Variants in NLRP2 observed in about 807,000 individuals in gnomAD.
The protein encoded by NLRP2 is NACHT, LRR and PYD domains-containing protein 2.
Under a neutral mutation model 97.2 loss-of-function variants are expected in NLRP2, and 107 were observed. The observed-to-expected ratio is 1.10, with a 90% CI of 0.94 to 1.29. NLRP2 has a LOEUF of 1.29. Ranked by LOEUF, NLRP2 falls within the 50% of genes most tolerant of loss-of-function variation. The pLI is 0.00. For synonymous variants in NLRP2, 663 were observed against 551.5 expected, an observed-to-expected ratio of 1.20 and a Z score of -2.83; for missense variants, 1,495 against 1,330.3, an observed-to-expected ratio of 1.12 and a Z score of -1.93.
intron 8 of NLRP2, among the ~76,000 whole-genome samples, chr19:54,988,299 TC>T (rs1305294115): frequency 6.6e-6 from 1 of 152,120 alleles, no homozygotes; most frequent in Non-Finnish European, 1.5e-5. Context: ...CTAATTTCTT[TC>T]TTTTTTTCTC....
chr19:54,993,761 C>T (rs568456951), intron 10 of NLRP2: 31 of 250,316 alleles, frequency 1.2e-4, no homozygotes, highest in East Asian at 4.0e-4. Flanking sequence ...CCCAGCTACT[C>T]GGAAGGCTGG....
intron 11 of NLRP2, among the ~76,000 whole-genome samples, chr19:54,995,878 C>A (rs991194985): frequency 2.0e-5 from 3 of 151,786 alleles, no homozygotes; most frequent in Non-Finnish European, 4.4e-5. Context: ...CCTGTCTCTA[C>A]TGAAAGTACA....
chr19:54,979,046 C>T (rs185026331), intron 4 of NLRP2, among the ~76,000 whole-genome samples: 1 of 151,030 alleles, frequency 6.6e-6, no homozygotes, highest in African/African-American at 2.4e-5. Flanking sequence ...GTGCAGTGGC[C>T]CCATCTTGGC....
rs2072398079 is a variant in NLRP2 at position 54,990,493 on chromosome 19, CT to C, written c.2538-5del. 4 of 1,614,064 alleles carry C rather than the reference CT, an allele frequency of 2.5e-6. No homozygotes were observed. The East Asian group carries it at 6.7e-5, about 27-fold the overall frequency. On this transcript the variant is annotated splice_polypyrimidine_tract_variant and splice_region_variant and intron_variant, in intron 9 of 12. Coordinates refer to ENST00000448584, the MANE Select transcript of NLRP2 (RefSeq NM_017852.5). The stretch of plus-strand genomic sequence containing the variant: ...GTCAACCGTGTTGCCATTTGTGATT[CT>C]TTTGTAGGTTGGAAAACTGTCACCT...
chr19:54,974,595 C>A, intron 3 of NLRP2, 51 bp downstream of exon 3: 1 of 1,275,902 alleles, frequency 7.8e-7, no homozygotes, highest in Non-Finnish European at 1.1e-6. Context: ...TCTGGGGACT[C>A]GGGCCTTTGT....
Position 54,980,259 on chromosome 19 carries a change from C to T in NLRP2, c.398-1358C>T, listed in dbSNP as rs142163414. On this transcript the variant is annotated intron_variant, in intron 4 of 12. Coordinates refer to ENST00000448584, the MANE Select transcript of NLRP2 (RefSeq NM_017852.5). The stretch of plus-strand genomic sequence containing the variant: ...TGTCACCCAAGCTGGAGTGCAGTGG[C>T]GCAATCTCGGCTCACTGCAAGCTCC... 5.8e-3 allele frequency among the ~76,000 whole-genome samples: 873 copies of T among 151,542 alleles called. 4 individuals carry two copies. Among genetic ancestry groups the T allele is most frequent in the African/African-American group, 0.02 (824 of 41,284 alleles).
chr19:54,968,342 A>G (rs879398096), intron 1 of NLRP2, among the ~76,000 whole-genome samples: 46 of 150,562 alleles, frequency 3.1e-4, no homozygotes, highest in Non-Finnish European at 4.0e-4. Flanking sequence ...CACCACCCCC[A>G]GTGTTGTGTT....
chr19:54,975,793 C>G (rs1186811545), intron 3 of NLRP2, among the ~76,000 whole-genome samples: 1 of 151,890 alleles, frequency 6.6e-6, no homozygotes, highest in Admixed American at 6.6e-5. Flanking sequence ...CTGTGTTGCT[C>G]CGGCTTGATT....
intron 10 of NLRP2, among the ~76,000 whole-genome samples, chr19:54,992,712 C>G (rs2146522302): frequency 6.6e-6 from 1 of 151,632 alleles, no homozygotes; most frequent in South Asian, 2.1e-4. Context: ...GTGCATGCCA[C>G]CACGCCCAGC....
intron 11 of NLRP2, among the ~76,000 whole-genome samples, chr19:54,995,604 G>T (rs2072763602): frequency 6.6e-6 from 1 of 151,948 alleles, no homozygotes; most frequent in Non-Finnish European, 1.5e-5. Flanking sequence ...TAAAAAAGAG[G>T]TAGGAATTAG....
At chr19:54,992,574 GTT>G (rs71181722) in intron 10 of NLRP2, among the ~76,000 whole-genome samples, 1 of 94,972 alleles carries the variant, frequency 1.1e-5, no homozygotes. Context: ...TTTTTTTTTG[GTT>G]TTTTTTTTTT....
At chr19:54,989,729 A>G (rs2072330723) in intron 8 of NLRP2, 1 of 520,868 alleles carries the variant, frequency 1.9e-6, no homozygotes, top group Non-Finnish European at 3.5e-6. Flanking sequence ...CACGCCTGTC[A>G]TCCCAGCACT....
rs199475714 is a variant in NLRP2, at chr19:54,982,751, G to C, written c.1053G>C (p.Pro351=). The stretch of plus-strand genomic sequence containing the variant: ...ACCTCCGGATCCTGGCGGAGGAGCC[G>C]ATCTACATAAGGGTGGAGGGCTTCC... ...LRDLRILAEE[P]IYIRVEGFLE... is the part of the protein sequence containing the mutation. Residue 351 remains proline (P), a synonymous_variant, in exon 6 of 13, where the codon CCG becomes CCC. Coordinates refer to ENST00000448584, the MANE Select transcript of NLRP2 (RefSeq NM_017852.5). 1.9e-6 allele frequency: 3 copies of C among 1,614,146 alleles called. No individual in the cohort carries two copies. Among genetic ancestry groups the C allele is most frequent in the South Asian group, 1.1e-5 (1 of 91,080 alleles).
rs2071771957 is a variant in NLRP2, at chr19:54,983,332, T to G, written c.1634T>G (p.Leu545Arg). 1 of 1,613,988 alleles carries G rather than the reference T, an allele frequency of 6.2e-7. No homozygotes were observed. Among genetic ancestry groups the G allele is most frequent in the East Asian group, 2.2e-5 (1 of 44,886 alleles). The change falls in exon 6 of 13, where the codon CTC becomes CGC. Residue 545 changes from leucine to arginine, a missense_variant. Leu to Arg is a moderately radical substitution (Grantham distance 102). Transcript: ENST00000448584. Reference sequence around the variant, plus strand: ...AAGCTGCTTTCCGGAGTAGAAAGACTCAGGAACCCCGACCTGATCCAAGCA... The same window carrying G: ...AAGCTGCTTTCCGGAGTAGAAAGACGCAGGAACCCCGACCTGATCCAAGCA... ...VQKLLSGVER[L>R]RNPDLIQAGY... is the part of the protein sequence containing the mutation.
intron 4 of NLRP2, among the ~76,000 whole-genome samples, chr19:54,978,161 C>T (rs958579728): frequency 1.3e-5 from 2 of 151,822 alleles, no homozygotes; most frequent in Non-Finnish European, 2.9e-5. Context: ...CAGGTTCAAG[C>T]GATTCTCCTG....
chr19:54,979,488 C>T (rs1568485976), intron 4 of NLRP2, among the ~76,000 whole-genome samples: 1 of 151,562 alleles, frequency 6.6e-6, no homozygotes, highest in Non-Finnish European at 1.5e-5. Flanking sequence ...CATAGGCGCC[C>T]ACCACCACAT....
At chr19:54,967,624 A>G (rs558106639) in intron 1 of NLRP2, among the ~76,000 whole-genome samples, 1 of 151,880 alleles carries the variant, frequency 6.6e-6, no homozygotes, top group Non-Finnish European at 1.5e-5. Context: ...GGGATTTAGG[A>G]TAGAGCTATA....
rs1360336350 is a variant in NLRP2, at chr19:54,984,318, T to G, written c.2030+590T>G. Among the ~76,000 whole-genome samples the G allele has an allele frequency of 8.3e-4, 89 of 106,668 alleles. No individual in the cohort carries two copies. The South Asian group carries it at 0.021, about 25-fold the overall frequency. The allele number at this position is 106,668 out of a possible 152,430, so 70.0% of individuals were successfully genotyped here. A position where few individuals can be genotyped will look rare whatever the true frequency, so the allele number is the denominator to read the frequency against. ...CATGTCCAGCTAACTTAAGTGGGGGTTTTTTTTTGTGTTTTTTTTTTTTTT... is the reference window on the plus strand; with the variant it reads ...CATGTCCAGCTAACTTAAGTGGGGGGTTTTTTTTGTGTTTTTTTTTTTTTT... On this transcript the variant is annotated intron_variant, in intron 6 of 12. Transcript: ENST00000448584.
At chr19:54,966,837 T>C (rs1274387735) in intron 1 of NLRP2, among the ~76,000 whole-genome samples, 1 of 142,422 alleles carries the variant, frequency 7.0e-6, no homozygotes, top group African/African-American at 2.7e-5. Context: ...TTTTTTTTTT[T>C]TTTTTTTTTT....
Sources: allele counts gnomAD v4.1 joint callset (sites outside exome capture counted in the v4.1 genomes callset), GRCh38; gene constraint gnomAD v4.1.1; transcripts MANE v1.5; gene names NCBI Gene and HGNC (gene_info 2026-07-23, HGNC 2026-07-21).